The following TANC2 variants were observed in gnomAD, a reference collection of about 807,000 sequenced individuals.
TANC2 encodes the protein protein TANC2.
TANC2 carries 26 observed loss-of-function variants against 210.5 expected under a neutral mutation model. That is an observed-to-expected ratio of 0.12 (90% CI 0.09 to 0.17). The LOEUF (loss-of-function observed/expected upper bound fraction) is 0.17, where lower values mean the gene tolerates loss of function less well. Among genes scored for constraint, TANC2 ranks in the 10% least tolerant of loss-of-function variants. The pLI, the probability that TANC2 is intolerant of heterozygous loss-of-function variation, is 1.00. For synonymous variants in TANC2, 931 were observed against 967.1 expected, an observed-to-expected ratio of 0.96 and a Z score of 0.69; for missense variants, 2,129 against 2,608.9, an observed-to-expected ratio of 0.82 and a Z score of 4.01.
chr17:63,416,342 T>C (rs966328046), intron 26 of TANC2, among the ~76,000 whole-genome samples: 1 of 152,082 alleles, frequency 6.6e-6, no homozygotes, highest in Non-Finnish European at 1.5e-5. Context: ...CCAAGAACCC[T>C]CTCTCAGGTT....
At chr17:63,150,320 GTTTA>G (rs2039604612) in intron 4 of TANC2, 1 of 152,112 alleles carries the variant, frequency 6.6e-6, no homozygotes, top group Admixed American at 6.6e-5. Flanking sequence ...CCCTATTATA[GTTTA>G]TTTAATAGAA....
chr17:63,032,657 T>C (rs928160433), intron 2 of TANC2, among the ~76,000 whole-genome samples: 4 of 152,148 alleles, frequency 2.6e-5, no homozygotes, highest in African/African-American at 4.8e-5. Flanking sequence ...AAAATACTTA[T>C]CAAGTGCTTG....
At chr17:63,274,390 G>A (rs1324577870) in intron 9 of TANC2, among the ~76,000 whole-genome samples, 1 of 151,270 alleles carries the variant, frequency 6.6e-6, no homozygotes, top group Non-Finnish European at 1.5e-5. Flanking sequence ...AAAAGTCATA[G>A]AAGATTGTGT....
intron 5 of TANC2, among the ~76,000 whole-genome samples, chr17:63,167,884 C>CAAAAA (rs760465295): frequency 9.1e-3 from 563 of 62,012 alleles, no homozygotes; most frequent in Middle Eastern, 0.017. Context: ...GACTCTGTCT[C>CAAAAA]AAAAAAAAAA....
chr17:63,205,213 A>C (rs2041661715), intron 7 of TANC2, among the ~76,000 whole-genome samples: 1 of 152,062 alleles, frequency 6.6e-6, no homozygotes, highest in Admixed American at 6.6e-5. Flanking sequence ...GCGTTAGGAA[A>C]ATTGAATATT....
intron 5 of TANC2, among the ~76,000 whole-genome samples, chr17:63,165,889 T>C (rs1366431480): frequency 2.0e-5 from 3 of 152,122 alleles, no homozygotes; most frequent in Admixed American, 1.3e-4. Context: ...AAGCAAACAA[T>C]AGAAACCTCA....
intron 3 of TANC2, among the ~76,000 whole-genome samples, 176 bp downstream of exon 3, chr17:63,074,190 G>C (rs1164819887): frequency 6.6e-6 from 1 of 151,982 alleles, no homozygotes; most frequent in African/African-American, 2.4e-5. Context: ...CAAGATATAT[G>C]AAAATTAAAT....
chr17:63,406,378 T>C (rs967971175), intron 21 of TANC2, 101 bp downstream of exon 21: 10 of 1,521,756 alleles, frequency 6.6e-6, no homozygotes, highest in Non-Finnish European at 7.1e-6. Context: ...AGAACAGATA[T>C]TAATCCAGTT....
chr17:63,178,069 C>T (rs1454035687), intron 5 of TANC2, among the ~76,000 whole-genome samples: 2 of 152,218 alleles, frequency 1.3e-5, no homozygotes, highest in Non-Finnish European at 2.9e-5. Context: ...CGGTGGCTCA[C>T]GCCCGTAATC....
At chr17:63,299,977 G>T (rs966881441) in intron 9 of TANC2, among the ~76,000 whole-genome samples, 4 of 152,028 alleles carry the variant, frequency 2.6e-5, no homozygotes, top group African/African-American at 9.7e-5. Context: ...TAAGGAAGGG[G>T]TCCAGTTTCA....
intron 2 of TANC2, among the ~76,000 whole-genome samples, chr17:63,050,342 G>C (rs1418378200): frequency 2.0e-5 from 3 of 147,244 alleles, no homozygotes; most frequent in Non-Finnish European, 3.0e-5. Flanking sequence ...GGGCAACAGA[G>C]CAAGACCCTG....
intron 9 of TANC2, among the ~76,000 whole-genome samples, chr17:63,285,429 T>C (rs2044191342): frequency 1.3e-5 from 2 of 152,316 alleles, no homozygotes; most frequent in African/African-American, 4.8e-5. Context: ...CTTATTACAG[T>C]GTACCCTTAA....
intron 14 of TANC2, among the ~76,000 whole-genome samples, chr17:63,372,551 T>C (rs73325758): frequency 0.021 from 3,208 of 152,310 alleles, 104 homozygotes; most frequent in African/African-American, 0.072. Context: ...ATAAAAGAAA[T>C]ATAAAATAAA....
chr17:63,058,992 T>G (rs551712234), intron 2 of TANC2, among the ~76,000 whole-genome samples: 112 of 152,318 alleles, frequency 7.4e-4, no homozygotes, highest in Non-Finnish European at 5.4e-4. Flanking sequence ...ATTGGTAGTT[T>G]GATAGGAATA....
chr17:63,396,135 G>C, intron 18 of TANC2: 1 of 540,758 alleles, frequency 1.8e-6, no homozygotes, highest in Non-Finnish European at 3.3e-6. Flanking sequence ...AAAGGTGCGA[G>C]TTGGAAAGGA....
chr17:63,213,060 A>C (rs2041930925), intron 7 of TANC2, among the ~76,000 whole-genome samples: 3 of 152,230 alleles, frequency 2.0e-5, no homozygotes, highest in African/African-American at 7.2e-5. Flanking sequence ...TTAACTAGTC[A>C]CCAATAAATA....
exon 8 of TANC2, chr17:63,237,882 G>A (rs2042665141): frequency 6.4e-7 from 1 of 1,563,182 alleles, no homozygotes; most frequent in East Asian, 2.4e-5. Flanking sequence ...TAAAGAATTA[G>A]GATCTGGAGG....
intron 19 of TANC2, among the ~76,000 whole-genome samples, chr17:63,403,335 C>T (rs1230952210): frequency 6.6e-6 from 1 of 151,990 alleles, no homozygotes; most frequent in African/African-American, 2.4e-5. Context: ...CTACTTTAAA[C>T]GAGTTTAGAA....
At chr17:63,289,953 C>T (rs758757567) in intron 9 of TANC2, among the ~76,000 whole-genome samples, 2 of 151,838 alleles carry the variant, frequency 1.3e-5, no homozygotes, top group Non-Finnish European at 2.9e-5. Context: ...TCCCCCCCTT[C>T]AGTGGGAGAG....
Sources: allele counts gnomAD v4.1 joint callset (sites outside exome capture counted in the v4.1 genomes callset), GRCh38; gene constraint gnomAD v4.1.1; transcripts MANE v1.5; gene names NCBI Gene and HGNC (gene_info 2026-07-23, HGNC 2026-07-21).